The following LONRF3 variants were observed in gnomAD, a reference collection of about 807,000 sequenced individuals.
The protein encoded by LONRF3 is LON peptidase N-terminal domain and ring finger 3.
Under a neutral mutation model 51.7 loss-of-function variants are expected in LONRF3, and 19 were observed. The ratio of observed to expected loss-of-function variants is 0.37; its 90% confidence interval spans 0.26 to 0.54. The LOEUF (loss-of-function observed/expected upper bound fraction) is 0.54. LONRF3 is among the 20% of genes least tolerant of loss of function. LONRF3 has a pLI of 0.86. For synonymous variants in LONRF3, 265 were observed against 257.8 expected (o/e 1.03, Z -0.27); for missense variants, 521 against 623.9 (o/e 0.84, Z 1.76).
At chrX:119,012,862 T>A in intron 8 of LONRF3, 177 bp from the exon 9 acceptor site, 6 of 1,173,479 alleles carry the variant, frequency 5.1e-6, no homozygotes, top group Non-Finnish European at 6.8e-6. Context: ...ACATTACGAA[T>A]TTTTTTTCTT....
At chrX:118,977,101 C>T (rs1485637841) in intron 1 of LONRF3, among the ~76,000 whole-genome samples, 1 of 111,428 alleles carries the variant, frequency 9.0e-6, no homozygotes, top group Admixed American at 9.5e-5. Context: ...ACAGAAAAGA[C>T]TAAACAATTT....
chrX:118,990,123 T>C (rs1923314551), intron 4 of LONRF3, among the ~76,000 whole-genome samples: 1 of 111,450 alleles, frequency 9.0e-6, no homozygotes, highest in African/African-American at 3.3e-5. Context: ...CCACGAGAGG[T>C]TGGCAGTGCC....
chrX:118,996,734 A>C (rs1427888783), intron 5 of LONRF3, among the ~76,000 whole-genome samples: 1 of 110,538 alleles, frequency 9.0e-6, no homozygotes, highest in Non-Finnish European at 1.9e-5. Context: ...CATCCTGGCT[A>C]CCACAAAGAA....
At chrX:118,993,517 AG>A (rs1485863495) in intron 5 of LONRF3, among the ~76,000 whole-genome samples, 1 of 112,057 alleles carries the variant, frequency 8.9e-6, no homozygotes, top group Non-Finnish European at 1.9e-5. Flanking sequence ...GCCTCCAAGA[AG>A]TCTGGGATTA....
chrX:118,989,657 A>G lies in LONRF3; in HGVS notation c.1309A>G (p.Lys437Glu). Residue 437 changes from lysine to glutamate, a missense_variant, in exon 4 of 11, where the codon AAA (lysine) becomes GAA (glutamate). By Grantham distance (56) the Lys-to-Glu change is moderately conservative. Around this residue, in one of 2 missense-constraint regions of LONRF3, gnomAD observed 376 missense variants for 376.7 expected, o/e 1.00. Coordinates refer to ENST00000371628, the MANE Select transcript of LONRF3 (RefSeq NM_001031855.3). ...ESQEETGMPN[K>E]ASKQDPPTDQ... is the part of the protein sequence containing the mutation. ...CCAAGAAGAAACGGGGATGCCTAAT[A>G]AAGCCTCCAAGCAAGGTACTGGCTC... 1 of 1,209,743 alleles carries G rather than the reference A, an allele frequency of 8.3e-7. No homozygotes were observed. Among genetic ancestry groups the G allele is most frequent in the Non-Finnish European group, 1.1e-6 (1 of 894,622 alleles).
chrX:118,984,022 G>A (rs1569475636), intron 3 of LONRF3, among the ~76,000 whole-genome samples: 1 of 112,003 alleles, frequency 8.9e-6, no homozygotes, highest in South Asian at 3.7e-4. Flanking sequence ...TGTAGTCCAT[G>A]ATGTAATGAT....
intron 6 of LONRF3, among the ~76,000 whole-genome samples, chrX:119,006,672 C>T (rs1924746839): frequency 9.0e-6 from 1 of 111,342 alleles, no homozygotes; most frequent in Non-Finnish European, 1.9e-5. Context: ...ACTGCAAGCT[C>T]CGCCTCCCGG....
rs1037688609 is a variant in LONRF3, at chrX:119,013,257, C to T, written c.1974+56C>T. 8 of 1,107,141 alleles carry T rather than the reference C, an allele frequency of 7.2e-6. No individual in the cohort carries two copies. In the African/African-American group the frequency reaches 1.3e-4, roughly 18 times the overall value. The allele number at this position is 1,107,141 out of a possible 1,213,427, so 91.2% of individuals were successfully genotyped here. A position where few individuals can be genotyped will look rare whatever the true frequency, so the allele number is the denominator to read the frequency against. On this transcript the variant is annotated intron_variant, in intron 9 of 10. Coordinates refer to ENST00000371628, the MANE Select transcript of LONRF3 (RefSeq NM_001031855.3). ...GCCAGGCTATCCTTGTAACTTGATA[C>T]ACAAAGATAGTTGTGAAAGGATTTC...
At position 118,975,359 on chromosome X, in the gene LONRF3, G is replaced by C. The variant is rs1022919306; in HGVS notation, c.579G>C (p.Ala193=). The change falls in exon 1 of 11, where the codon GCG becomes GCC. Residue 193 remains alanine (A), a synonymous_variant. Coordinates refer to ENST00000371628, the MANE Select transcript of LONRF3 (RefSeq NM_001031855.3). ...ERGRAADRRC[A]LCGVKLSALM... ...GGCGGGCCGCCGACCGGCGCTGTGC[G>C]CTGTGCGGGGTCAAGCTCTCCGCCT... The C allele has an allele frequency of 8.3e-7, 1 of 1,209,614 alleles. No homozygotes were observed. The highest frequency in any genetic ancestry group is 1.1e-6 in the Non-Finnish European group (1 of 894,791).
At chrX:118,981,668 A>G (rs746748507) in intron 2 of LONRF3, among the ~76,000 whole-genome samples, 70 of 110,792 alleles carry the variant, frequency 6.3e-4, no homozygotes, top group Non-Finnish European at 1.1e-3. Context: ...ATCAACATCC[A>G]TGTATCAGCC....
At chrX:119,000,824 T>TCTCTCTCTCTCTCC (rs1924250714) in intron 5 of LONRF3, among the ~76,000 whole-genome samples, 1 of 69,839 alleles carries the variant, frequency 1.4e-5, no homozygotes, top group African/African-American at 6.6e-5. Flanking sequence ...TCTCTCTCTC[T>TCTCTCTCTCTCTCC]CTCTCTCTCT....
intron 5 of LONRF3, among the ~76,000 whole-genome samples, chrX:118,994,260 A>G (rs1165096630): frequency 8.9e-6 from 1 of 111,753 alleles, no homozygotes; most frequent in Middle Eastern, 4.2e-3. Context: ...ATGGATAAGA[A>G]CTCACCAACC....
chrX:119,014,413 G>T, intron 10 of LONRF3, 57 bp downstream of exon 10: 3 of 1,062,718 alleles, frequency 2.8e-6, no homozygotes, highest in Non-Finnish European at 3.9e-6. Flanking sequence ...AGTGCCTAGT[G>T]TTTGTGATTA....
At chrX:118,986,969 G>A (rs1923018034) in intron 3 of LONRF3, 11 of 1,151,983 alleles carry the variant, frequency 9.5e-6, no homozygotes, top group Non-Finnish European at 1.3e-5. Flanking sequence ...GGGATTCTCA[G>A]GAACATTCTC....
intron 1 of LONRF3, among the ~76,000 whole-genome samples, chrX:118,978,040 G>C (rs765383307): frequency 9.0e-6 from 1 of 111,173 alleles, no homozygotes; most frequent in Non-Finnish European, 1.9e-5. Context: ...GACACTAGCC[G>C]TGTGTAGCCA....
At chrX:119,016,843 A>G (rs185126115) in intron 10 of LONRF3, among the ~76,000 whole-genome samples, 1 of 111,555 alleles carries the variant, frequency 9.0e-6, no homozygotes, top group Admixed American at 9.6e-5. Context: ...AAGACATGCA[A>G]AGGTCAAGGG....
intron 5 of LONRF3, among the ~76,000 whole-genome samples, chrX:118,996,382 T>C (rs953246040): frequency 1.8e-5 from 2 of 110,917 alleles, no homozygotes; most frequent in African/African-American, 3.3e-5. Flanking sequence ...ATTGTCACTG[T>C]TTGCTGATGA....
At chrX:118,980,282 G>C (rs1286353131) in intron 2 of LONRF3, among the ~76,000 whole-genome samples, 2 of 112,097 alleles carry the variant, frequency 1.8e-5, no homozygotes, top group Non-Finnish European at 1.9e-5. Flanking sequence ...CATATATTAG[G>C]TCTCAGTGAG....
At chrX:118,977,276 A>C (rs1457240555) in intron 1 of LONRF3, among the ~76,000 whole-genome samples, 7 of 110,565 alleles carry the variant, frequency 6.3e-5, no homozygotes, top group Non-Finnish European at 1.3e-4. Flanking sequence ...TTAACTCTAG[A>C]TCTCTAAGGC....
Sources: gnomAD v4.1 joint callset for allele counts (sites outside exome capture counted in the v4.1 genomes callset) on GRCh38, gnomAD v4.1.1 for gene constraint, gnomAD v4.1.1 regional missense constraint, MANE v1.5 for transcripts, NCBI Gene and HGNC (gene_info 2026-07-23, HGNC 2026-07-21) for gene names.